Variants in NAV3 observed in about 807,000 individuals in gnomAD.
NAV3 encodes the protein pore membrane and/or filament interacting like protein 1.
Under a neutral mutation model 244.7 loss-of-function variants are expected in NAV3, and 87 were observed. The ratio of observed to expected loss-of-function variants is 0.36; its 90% CI spans 0.30 to 0.42. The LOEUF (loss-of-function observed/expected upper bound fraction) is 0.42. NAV3 is among the 20% of genes least tolerant of loss of function. The probability of loss-of-function intolerance (pLI) is 1.00; values close to 1 mark genes in which losing one functional copy is unlikely to be tolerated. For synonymous variants in NAV3, 1,126 were observed against 1,042.2 expected, an observed-to-expected ratio of 1.08 and a Z score of -1.55; for missense variants, 2,663 against 2,893.3, an observed-to-expected ratio of 0.92 and a Z score of 1.83.
At chr12:77,950,081 GC>G (rs1347743246) in intron 3 of NAV3, among the ~76,000 whole-genome samples, 4 of 152,140 alleles carry the variant, frequency 2.6e-5, no homozygotes, top group Admixed American at 2.6e-4. Flanking sequence ...CATCTTAGTT[GC>G]TTCCAAGTTT....
At chr12:77,820,927 TTA>T (rs1196070348) in intron 2 of NAV3, among the ~76,000 whole-genome samples, 1 of 152,158 alleles carries the variant, frequency 6.6e-6, no homozygotes, top group Non-Finnish European at 1.5e-5. Context: ...TAATCAGATC[TTA>T]TGTTTTCATT....
chr12:77,573,923 C>A (rs1868953882), intron 2 of NAV3, among the ~76,000 whole-genome samples: 1 of 152,134 alleles, frequency 6.6e-6, no homozygotes, highest in Non-Finnish European at 1.5e-5. Context: ...TTAGAGTCAT[C>A]CTCTGAGTTC....
At chr12:77,702,537 C>G (rs1184151279) in intron 2 of NAV3, among the ~76,000 whole-genome samples, 1 of 151,800 alleles carries the variant, frequency 6.6e-6, no homozygotes, top group East Asian at 1.9e-4. Flanking sequence ...TTCTTTCCTG[C>G]TTTCTTTCAT....
At chr12:77,756,619 A>C (rs568316568) in intron 2 of NAV3, among the ~76,000 whole-genome samples, 1 of 152,326 alleles carries the variant, frequency 6.6e-6, no homozygotes, top group East Asian at 1.9e-4. Flanking sequence ...AAGGTTATAG[A>C]AAGATTATTA....
chr12:77,785,837 T>A (rs1443535094), intron 2 of NAV3, among the ~76,000 whole-genome samples: 1 of 152,214 alleles, frequency 6.6e-6, no homozygotes, highest in Admixed American at 6.5e-5. Context: ...GCAAATGACA[T>A]GCTTTGGAAA....
chr12:77,888,422 A>G (rs1883547392), intron 1 of NAV3, among the ~76,000 whole-genome samples: 1 of 152,162 alleles, frequency 6.6e-6, no homozygotes, highest in Non-Finnish European at 1.5e-5. Flanking sequence ...GACTGCAGTG[A>G]GCCGCGATCA....
chr12:77,847,394 C>T (rs1022161275), intron 1 of NAV3, among the ~76,000 whole-genome samples: 3 of 152,150 alleles, frequency 2.0e-5, no homozygotes, highest in South Asian at 2.1e-4. Context: ...GTCTAGTTAT[C>T]CCAGGCAGAA....
intron 15 of NAV3, 92 bp downstream of exon 15, chr12:78,120,037 T>A: frequency 1.1e-6 from 1 of 893,168 alleles, no homozygotes; most frequent in Non-Finnish European, 1.6e-6. Context: ...TATATATATT[T>A]TAAATATGTA....
intron 9 of NAV3, among the ~76,000 whole-genome samples, chr12:78,042,713 C>T (rs112530358): frequency 9.2e-5 from 14 of 152,228 alleles, no homozygotes; most frequent in African/African-American, 3.4e-4. Context: ...CGCTTGAATT[C>T]CAGAGGTGGA....
At chr12:78,182,046 C>T (rs1958520220) in intron 30 of NAV3, among the ~76,000 whole-genome samples, 3 of 152,032 alleles carry the variant, frequency 2.0e-5, no homozygotes, top group Admixed American at 2.0e-4. Flanking sequence ...CTTTTGTAAA[C>T]TTCTGGTGGG....
intron 28 of NAV3, among the ~76,000 whole-genome samples, chr12:78,178,533 A>G (rs933235550): frequency 7.9e-5 from 12 of 152,080 alleles, no homozygotes; most frequent in Non-Finnish European, 1.2e-4. Flanking sequence ...AATTGTGGAT[A>G]AACTATAATT....
intron 2 of NAV3, among the ~76,000 whole-genome samples, chr12:77,774,028 T>C (rs969686354): frequency 4.6e-5 from 7 of 152,172 alleles, no homozygotes; most frequent in African/African-American, 1.4e-4. Flanking sequence ...TAATCAGAAA[T>C]TACACAAGCT....
chr12:78,142,190 A>G lies in NAV3; in HGVS notation c.4683+1856A>G, dbSNP rs112616244. 2.9e-3 allele frequency among the ~76,000 whole-genome samples: 435 copies of G among 152,252 alleles called. 2 individuals carry two copies. The highest frequency in any genetic ancestry group is 9.9e-3 in the African/African-American group (410 of 41,570). On this transcript the variant is annotated intron_variant, in intron 20 of 39. Coordinates refer to ENST00000397909, the MANE Select transcript of NAV3 (RefSeq NM_001024383.2). ...ACTTTCCTAGATTTGATCGTTACACAGCATATGTTTGTATAATACCACATG... is the reference window on the plus strand; with the variant it reads ...ACTTTCCTAGATTTGATCGTTACACGGCATATGTTTGTATAATACCACATG...
chr12:77,810,650 A>T (rs1423571373), intron 2 of NAV3, among the ~76,000 whole-genome samples: 3 of 152,200 alleles, frequency 2.0e-5, no homozygotes, highest in Non-Finnish European at 2.9e-5. Context: ...AGGATTAGGT[A>T]TTAGGTAGTT....
chr12:77,915,413 C>G (rs1399660726), intron 1 of NAV3, among the ~76,000 whole-genome samples: 1 of 151,846 alleles, frequency 6.6e-6, no homozygotes, highest in Non-Finnish European at 1.5e-5. Context: ...TCTTGTATAG[C>G]CCTCCAGAGA....
intron 1 of NAV3, among the ~76,000 whole-genome samples, chr12:77,885,448 A>C (rs1883172866): frequency 6.6e-6 from 1 of 152,158 alleles, no homozygotes; most frequent in Non-Finnish European, 1.5e-5. Context: ...ACGCAGAATA[A>C]GTACTCAATA....
chr12:77,663,631 T>C lies in NAV3; in HGVS notation c.72+91365T>C, dbSNP rs559260052. ...TGGCCTCTCAAGTTCAAGCAATTCT[T>C]CTGCCTCAGCCTCCCAAGTAGCTGG... On this transcript the variant is annotated intron_variant, in intron 2 of 8. Coordinates refer to the NAV3 transcript ENST00000550042. 1.7e-3 allele frequency among the ~76,000 whole-genome samples: 252 copies of C among 152,140 alleles called. 1 individual carries two copies. Among genetic ancestry groups the C allele is most frequent in the African/African-American group, 5.8e-3 (240 of 41,514 alleles).
At chr12:77,910,626 AG>A (rs1053617093) in intron 1 of NAV3, among the ~76,000 whole-genome samples, 5 of 152,272 alleles carry the variant, frequency 3.3e-5, no homozygotes, top group African/African-American at 9.6e-5. Context: ...GACCACCAGA[AG>A]CATTCCTGAT....
intron 12 of NAV3, among the ~76,000 whole-genome samples, chr12:78,089,201 C>T (rs947749550): frequency 2.6e-5 from 4 of 152,010 alleles, no homozygotes; most frequent in African/African-American, 9.7e-5. Flanking sequence ...TTATGGAATT[C>T]AACCAATTTG....
Sources: gnomAD v4.1 joint callset for allele counts (sites outside exome capture counted in the v4.1 genomes callset) on GRCh38, gnomAD v4.1.1 for gene constraint, MANE v1.5 for transcripts, NCBI Gene and HGNC (gene_info 2026-07-23, HGNC 2026-07-21) for gene names.